The following FBRSL1 variants were observed in gnomAD, a reference collection of about 807,000 sequenced individuals.
The protein encoded by FBRSL1 is fibrosin like 1.
A neutral mutation model predicts 89.6 loss-of-function variants in FBRSL1; 51 were observed. The ratio of observed to expected loss-of-function variants is 0.57; its 90% CI spans 0.45 to 0.72. FBRSL1 has a LOEUF of 0.72. Among genes scored for constraint, FBRSL1 ranks in the 30% least tolerant of loss-of-function variants. The pLI is 0.00. For missense variants in FBRSL1, 1,618 were observed against 1,451.8 expected, an observed-to-expected ratio of 1.11 and a Z score of -1.86; for synonymous variants, 779 against 681.1, an observed-to-expected ratio of 1.14 and a Z score of -2.24.
rs533211288 is a variant in FBRSL1, at chr12:132,534,639, T to C, written c.615+6651T>C. Among the ~76,000 whole-genome samples the C allele has an allele frequency of 3.3e-5, 5 of 152,358 alleles. No individual in the cohort carries two copies. In the East Asian group the frequency reaches 9.6e-4, roughly 29 times the overall value. Reference sequence around the variant, plus strand: ...TTGAGCAAGGCTCAGCCCGGGTGGCTCCTCCATGCTGCACTGTGCTCACTG... The same window carrying C: ...TTGAGCAAGGCTCAGCCCGGGTGGCCCCTCCATGCTGCACTGTGCTCACTG... On this transcript the variant is annotated intron_variant, in intron 4 of 18. Coordinates refer to ENST00000680143, the MANE Select transcript of FBRSL1 (RefSeq NM_001367871.1).
In FBRSL1 at chr12:132,510,464, C is replaced by T. The variant is rs954671986; in HGVS notation, c.489+2114C>T. ...GAGCCTGATGCCTGCAGGCACCTCC[C>T]CATATGGGTTTTCCAGCCCACTCCA... is the stretch of plus-strand genomic sequence containing the variant. On this transcript the variant is annotated intron_variant, in intron 2 of 18. Transcript: ENST00000680143. 17 of 1,231,970 alleles carry T rather than the reference C, an allele frequency of 1.4e-5. No individual in the cohort carries two copies. The South Asian group carries it at 4.9e-4, about 36-fold the overall frequency. The allele number at this position is 1,231,970 out of a possible 1,614,324, so 76.3% of individuals were successfully genotyped here. A position where few individuals can be genotyped will look rare whatever the true frequency, so the allele number is the denominator to read the frequency against.
In FBRSL1 at chr12:132,510,793, A is replaced by G. The variant is rs116527733; in HGVS notation, c.489+2443A>G. 2,878 of 1,138,668 alleles carry G rather than the reference A, an allele frequency of 2.5e-3. 55 individuals carry two copies. The African/African-American group carries it at 0.036, about 14-fold the overall frequency. 70.5% of individuals were successfully genotyped at this position (1,138,668 alleles called of 1,614,324 possible). A position where few individuals can be genotyped will look rare whatever the true frequency, so the allele number is the denominator to read the frequency against. On this transcript the variant is annotated intron_variant, in intron 2 of 18. Transcript: ENST00000680143. ...GTGGTGTGCGTGCCCTGGGAGGGGA[A>G]CACAGCCCCTGAGGGCGGGGACCTT...
intron 15 of FBRSL1, 42 bp from the exon 16 acceptor site, chr12:132,581,397 T>G: frequency 6.4e-7 from 1 of 1,550,710 alleles, no homozygotes; most frequent in Non-Finnish European, 8.7e-7. Context: ...GAGGCCCTGG[T>G]GCTCTCTCCT....
intron 16 of FBRSL1, 58 bp downstream of exon 16, chr12:132,581,574 C>G (rs188817082): frequency 2.0e-6 from 3 of 1,537,480 alleles, no homozygotes; most frequent in South Asian, 2.4e-5. Context: ...AGCCTTGTGG[C>G]GGGGGAATTA....
At chr12:132,533,725 C>T (rs1221480264) in intron 4 of FBRSL1, among the ~76,000 whole-genome samples, 1 of 152,272 alleles carries the variant, frequency 6.6e-6, no homozygotes, top group Non-Finnish European at 1.5e-5. Context: ...GCAGTGGCCT[C>T]AGCACAGCCT....
Position 132,583,468 on chromosome 12 carries a change from G to A in FBRSL1, c.2699G>A (p.Gly900Glu), listed in dbSNP as rs1448242950. ...PHGYSPERLR[G>E]ELERARAPHL... Reference sequence around the variant, plus strand: ...GGCTACAGCCCCGAGCGCCTGCGCGGGGAGCTGGAGCGCGCGCGGGCCCCG... The same window carrying A: ...GGCTACAGCCCCGAGCGCCTGCGCGAGGAGCTGGAGCGCGCGCGGGCCCCG... The change falls in exon 19 of 19, where the codon GGG becomes GAG. Residue 900 changes from glycine to glutamate, a missense_variant. Physicochemically the swap from Gly to Glu is moderately conservative, Grantham distance 98 (BLOSUM62 -2). Transcript: ENST00000680143. The A allele has an allele frequency of 9.5e-6, 10 of 1,051,252 alleles. No homozygotes were observed. The highest frequency in any genetic ancestry group is 1.0e-5 in the Non-Finnish European group (9 of 871,700). 65.1% of individuals were successfully genotyped at this position (1,051,252 alleles called of 1,614,324 possible). A position where few individuals can be genotyped will look rare whatever the true frequency, so the allele number is the denominator to read the frequency against.
At chr12:132,497,691 G>A (rs2032270669) in intron 1 of FBRSL1, among the ~76,000 whole-genome samples, 1 of 152,144 alleles carries the variant, frequency 6.6e-6, no homozygotes, top group African/African-American at 2.4e-5. Flanking sequence ...CTGGGCCTCG[G>A]GACCCCTAGG....
chr12:132,500,381 G>C (rs140311582), intron 1 of FBRSL1, among the ~76,000 whole-genome samples: 120 of 152,224 alleles, frequency 7.9e-4, no homozygotes, highest in African/African-American at 2.8e-3. Context: ...TGTCTACACT[G>C]CTGGCGAGTG....
chr12:132,519,899 CA>C (rs760671307), intron 2 of FBRSL1, among the ~76,000 whole-genome samples: 49 of 114,604 alleles, frequency 4.3e-4, no homozygotes, highest in South Asian at 1.5e-3. Context: ...GACTCTGTCT[CA>C]AAAAAAAAAA....
At chr12:132,574,697 G>T in intron 14 of FBRSL1, 133 bp downstream of exon 14, 2 of 1,178,440 alleles carry the variant, frequency 1.7e-6, no homozygotes, top group Non-Finnish European at 2.3e-6. Context: ...TGAGCCGCCT[G>T]CCCCTTCCTC....
chr12:132,515,247 T>TC (rs1264406530), intron 2 of FBRSL1, among the ~76,000 whole-genome samples: 1 of 152,130 alleles, frequency 6.6e-6, no homozygotes, highest in Non-Finnish European at 1.5e-5. Context: ...CTTCTGTCTT[T>TC]CCCCATTTCA....
At chr12:132,551,210 G>A (rs757775134) in intron 5 of FBRSL1, 11 of 358,138 alleles carry the variant, frequency 3.1e-5, no homozygotes, top group Admixed American at 1.4e-4. Flanking sequence ...CAGCAGCCCC[G>A]GGCTTGTGTG....
intron 4 of FBRSL1, among the ~76,000 whole-genome samples, chr12:132,544,174 C>T (rs1011209452): frequency 6.6e-6 from 1 of 152,136 alleles, no homozygotes; most frequent in Non-Finnish European, 1.5e-5. Flanking sequence ...AGCCTCGGTG[C>T]GGCTTAAAAC....
At chr12:132,495,059 G>C (rs562633753) in intron 1 of FBRSL1, among the ~76,000 whole-genome samples, 3 of 152,366 alleles carry the variant, frequency 2.0e-5, no homozygotes, top group Non-Finnish European at 2.9e-5. Context: ...TAGGGTGTGA[G>C]CCTGGAGCCG....
At chr12:132,512,323 C>A (rs373557238) in intron 2 of FBRSL1, among the ~76,000 whole-genome samples, 2 of 152,220 alleles carry the variant, frequency 1.3e-5, no homozygotes, top group Non-Finnish European at 2.9e-5. Flanking sequence ...CCTGGGCACG[C>A]GTGAGGGAGC....
At position 132,499,122 on chromosome 12, in the gene FBRSL1, C is replaced by T. The variant is rs929385042; in HGVS notation, c.291+8261C>T. 2.0e-5 allele frequency among the ~76,000 whole-genome samples: 3 copies of T among 152,238 alleles called. No individual in the cohort carries two copies. The highest frequency in any genetic ancestry group is 4.4e-5 in the Non-Finnish European group (3 of 68,026). ...GTCCCTGGGACTGGTGGGCCTCATC[C>T]GGCCTCGGCAGCCGCCCCGCCCATT... is the stretch of plus-strand genomic sequence containing the variant. On this transcript the variant is annotated intron_variant, in intron 1 of 18. Coordinates refer to ENST00000680143, the MANE Select transcript of FBRSL1 (RefSeq NM_001367871.1). This position sits in a 1 kb window ranked among gnomAD's most constrained non-coding sequence, Gnocchi z 4.3.
At chr12:132,490,928 C>T in intron 1 of FBRSL1, 67 bp downstream of exon 1, 2 of 1,150,868 alleles carry the variant, frequency 1.7e-6, no homozygotes, top group South Asian at 2.1e-5. Context: ...ACGCGTCGGG[C>T]GATCCCGGGA....
At chr12:132,574,936 C>T (rs975188551) in intron 14 of FBRSL1, among the ~76,000 whole-genome samples, 1 of 152,056 alleles carries the variant, frequency 6.6e-6, no homozygotes, top group Non-Finnish European at 1.5e-5. Context: ...CTTCGGTCTT[C>T]AGCAGTGACC....
chr12:132,574,684 G>C, intron 14 of FBRSL1, 120 bp downstream of exon 14: 2 of 1,260,036 alleles, frequency 1.6e-6, no homozygotes, highest in Non-Finnish European at 2.1e-6. Flanking sequence ...TGATCCTCAC[G>C]CGTGAGCCGC....
Sources: gnomAD v4.1 joint callset for allele counts (sites outside exome capture counted in the v4.1 genomes callset) on GRCh38, gnomAD v4.1.1 for gene constraint, Gnocchi (gnomAD v3.1) non-coding constraint, MANE v1.5 for transcripts, NCBI Gene and HGNC (gene_info 2026-07-23, HGNC 2026-07-21) for gene names.